FBP2: variants seen among roughly 807,000 people sequenced by gnomAD.
The protein encoded by FBP2 is fructose-1,6-bisphosphatase isozyme 2.
FBP2 carries 27 observed loss-of-function variants against 31.6 expected under a neutral mutation model. That is an observed-to-expected ratio of 0.85 (90% CI 0.63 to 1.18). The LOEUF is 1.18. Among genes scored for constraint, FBP2 ranks in the 50% most tolerant of loss-of-function variants. The pLI, the probability that FBP2 is intolerant of heterozygous loss-of-function variation, is 0.00. For missense variants in FBP2, 421 were observed against 436.1 expected (o/e 0.97, Z 0.31); for synonymous variants, 168 against 179.8 (o/e 0.93, Z 0.53).
rs1358956970 is a variant in FBP2, at chr9:94,568,224, A to G, written c.568-817T>C. ...TCTGGTATCCCACTCTTACCTGGAGAAAAGAGGAAGCCGCTTTCATCAGAC... is the reference window on the plus strand; with the variant it reads ...TCTGGTATCCCACTCTTACCTGGAGGAAAGAGGAAGCCGCTTTCATCAGAC... On this transcript the variant is annotated intron_variant, in intron 4 of 6. Transcript: ENST00000375337. The G allele has an allele frequency of 2.0e-5, 3 of 152,154 alleles. No homozygotes were observed. The South Asian group carries it at 6.2e-4, about 31-fold the overall frequency. The allele number at this position is 152,154 out of a possible 1,614,324, so 9.4% of individuals were successfully genotyped here.
Position 94,571,544 on chromosome 9 carries a change from G to A in FBP2, c.485C>T (p.Ala162Val), listed in dbSNP as rs766221270. Residue 162 changes from alanine to valine, a missense_variant, in exon 4 of 7, where the codon GCC becomes GTC. Transcript: ENST00000375337. Reference protein sequence around the residue: ...DALQCGRNIVAAGYALYGSAT... With the variant: ...DALQCGRNIVVAGYALYGSAT... Reference sequence around the variant, plus strand: ...ACTACCGTACAGCGCATAACCTGCGGCCACAATATTGCGGCCACACTGCAG... The same window carrying A: ...ACTACCGTACAGCGCATAACCTGCGACCACAATATTGCGGCCACACTGCAG... The A allele has an allele frequency of 1.9e-6, 3 of 1,613,928 alleles. No homozygotes were observed. Among genetic ancestry groups the A allele is most frequent in the East Asian group, 2.2e-5 (1 of 44,864 alleles).
rs572988280 is a variant in FBP2, at chr9:94,581,222, G to A, written c.426+3355C>T. Among the ~76,000 whole-genome samples, 11 of 152,198 alleles carry A rather than the reference G, an allele frequency of 7.2e-5. No homozygotes were observed. In the South Asian group the frequency reaches 1.2e-3, roughly 17 times the overall value. On this transcript the variant is annotated intron_variant, in intron 3 of 6. Transcript: ENST00000375337. ...TCCCCCAGGCCTAAAGACTATAGTG[G>A]AAGAAGTGAGCGTCTGACATAGTAA...
chr9:94,589,927 A>T (rs544136962), intron 1 of FBP2, among the ~76,000 whole-genome samples: 10 of 152,306 alleles, frequency 6.6e-5, no homozygotes, highest in African/African-American at 2.4e-4. Flanking sequence ...GACCACAAAC[A>T]CAGGCCTTGG....
At position 94,581,604 on chromosome 9, in the gene FBP2, C is replaced by T. The variant is rs188424020; in HGVS notation, c.426+2973G>A. On this transcript the variant is annotated intron_variant, in intron 3 of 6. Coordinates refer to ENST00000375337, the MANE Select transcript of FBP2 (RefSeq NM_003837.4). The stretch of plus-strand genomic sequence containing the variant: ...ATGGACCCTGGGAAGGTAACCATAC[C>T]ACCCCAGCATCCACATGGGACAAAA... 2.6e-5 allele frequency among the ~76,000 whole-genome samples: 4 copies of T among 152,258 alleles called. No homozygotes were observed. The East Asian group carries it at 7.7e-4, about 29-fold the overall frequency.
At chr9:94,559,182 C>T (rs761479092) in intron 6 of FBP2, 50 bp from the exon 7 acceptor site, 2 of 1,534,646 alleles carry the variant, frequency 1.3e-6, no homozygotes, top group Non-Finnish European at 8.9e-7. Context: ...GGCCAAATGT[C>T]CCGAGCCATG....
At chr9:94,563,503 A>T in intron 5 of FBP2, 42 bp from the exon 6 acceptor site, 2 of 1,595,258 alleles carry the variant, frequency 1.3e-6, no homozygotes, top group Non-Finnish European at 1.7e-6. Flanking sequence ...AGTGGCTTTC[A>T]GGATTAGCCA....
At chr9:94,587,536 C>G in intron 1 of FBP2, 67 bp from the exon 2 acceptor site, 1 of 1,435,380 alleles carries the variant, frequency 7.0e-7, no homozygotes, top group Non-Finnish European at 9.7e-7. Flanking sequence ...GAGCCTGGGA[C>G]CCTAAAACGC....
intron 3 of FBP2, among the ~76,000 whole-genome samples, chr9:94,580,945 C>A (rs1436318237): frequency 6.6e-6 from 1 of 152,186 alleles, no homozygotes; most frequent in East Asian, 1.9e-4. Flanking sequence ...GCAAAGGTGA[C>A]AATCAAAGTC....
In FBP2 at chr9:94,563,442, C is replaced by T. The variant is rs1564179737; in HGVS notation, c.725G>A (p.Gly242Glu). ...CACCATGGAGCCCACATACCTGGCCCCATAGGGAGCACTGCCATCCTAGAA... is the reference window on the plus strand; with the variant it reads ...CACCATGGAGCCCACATACCTGGCCTCATAGGGAGCACTGCCATCCTAGAA... ...KFPEDGSAPY[G>E]ARYVGSMVAD... The change falls in exon 6 of 7, where the codon GGG (glycine) becomes GAG (glutamate). Residue 242 changes from glycine to glutamate, a missense_variant. Gly to Glu is a moderately conservative substitution (Grantham distance 98). Coordinates refer to ENST00000375337, the MANE Select transcript of FBP2 (RefSeq NM_003837.4). The T allele has an allele frequency of 6.2e-7, 1 of 1,613,804 alleles. No individual in the cohort carries two copies. The highest frequency in any genetic ancestry group is 1.7e-5 in the Admixed American group (1 of 59,992).
chr9:94,590,549 G>C (rs570006708), intron 1 of FBP2, among the ~76,000 whole-genome samples: 2 of 152,154 alleles, frequency 1.3e-5, no homozygotes, highest in East Asian at 3.9e-4. Flanking sequence ...CAGCTCTTAA[G>C]GTGGCGCATC....
Position 94,567,451 on chromosome 9 carries a change from G to GAA in FBP2, c.568-46_568-45dup, listed in dbSNP as rs761677998. 6 of 1,569,482 alleles carry GAA rather than the reference G, an allele frequency of 3.8e-6. No homozygotes were observed. The African/African-American group carries it at 1.0e-4, about 27-fold the overall frequency. ...ATGCCAGGAAGAAGAGAGAAGCCAG[G>GAA]AAACAAGCCAACCGCACAATCCCCA... On this transcript the variant is annotated intron_variant, in intron 4 of 6. Coordinates refer to ENST00000375337, the MANE Select transcript of FBP2 (RefSeq NM_003837.4).
intron 5 of FBP2, 121 bp from the exon 6 acceptor site, chr9:94,563,582 C>T: frequency 9.6e-7 from 1 of 1,046,126 alleles, no homozygotes; most frequent in Non-Finnish European, 1.4e-6. Context: ...CCTCCACCCA[C>T]TAGTGTAGGA....
intron 6 of FBP2, among the ~76,000 whole-genome samples, chr9:94,559,402 G>A (rs7035381): frequency 0.44 from 67,070 of 152,018 alleles, 15,681 homozygotes; most frequent in Admixed American, 0.54. Flanking sequence ...GCTTATGAGA[G>A]ACCTGCCTCT....
intron 5 of FBP2, among the ~76,000 whole-genome samples, chr9:94,563,879 C>G (rs1046683442): frequency 6.6e-6 from 1 of 151,964 alleles, no homozygotes; most frequent in African/African-American, 2.4e-5. Flanking sequence ...CAATAAAGTT[C>G]AAAAAAGACG....
At chr9:94,593,095 G>A (rs967022822) in intron 1 of FBP2, among the ~76,000 whole-genome samples, 1 of 152,152 alleles carries the variant, frequency 6.6e-6, no homozygotes, top group Non-Finnish European at 1.5e-5. Flanking sequence ...GCAGATGCAG[G>A]AAGGGGCTCT....
At chr9:94,559,875 C>G (rs1587834317) in intron 6 of FBP2, among the ~76,000 whole-genome samples, 1 of 152,110 alleles carries the variant, frequency 6.6e-6, no homozygotes, top group Non-Finnish European at 1.5e-5. Flanking sequence ...GGCCTGTAAT[C>G]CCAGGATTTT....
intron 3 of FBP2, among the ~76,000 whole-genome samples, chr9:94,572,610 G>A (rs1827281336): frequency 6.6e-6 from 1 of 152,104 alleles, no homozygotes; most frequent in Non-Finnish European, 1.5e-5. Flanking sequence ...TAGACTGTGA[G>A]CAACTTGGTG....
At chr9:94,572,286 G>T (rs1827277853) in intron 3 of FBP2, among the ~76,000 whole-genome samples, 1 of 152,046 alleles carries the variant, frequency 6.6e-6, no homozygotes, top group Non-Finnish European at 1.5e-5. Flanking sequence ...GGGACTCTTA[G>T]CTGCTACATT....
intron 3 of FBP2, among the ~76,000 whole-genome samples, chr9:94,583,673 C>T (rs1827394623): frequency 6.6e-6 from 1 of 152,160 alleles, no homozygotes; most frequent in South Asian, 2.1e-4. Flanking sequence ...GATCTCAGCT[C>T]ACTGCAACCT....
Sources: gnomAD v4.1 joint callset for allele counts (sites outside exome capture counted in the v4.1 genomes callset) on GRCh38, gnomAD v4.1.1 for gene constraint, MANE v1.5 for transcripts, NCBI Gene and HGNC (gene_info 2026-07-23, HGNC 2026-07-21) for gene names.